Variants in WNT16 observed in about 807,000 individuals in gnomAD.
WNT16 encodes protein Wnt-16.
A neutral mutation model predicts 35.4 loss-of-function variants in WNT16; 20 were observed. That is an observed-to-expected ratio of 0.56 (90% CI 0.40 to 0.82). The LOEUF (loss-of-function observed/expected upper bound fraction) is 0.82. WNT16 is among the 40% of genes least tolerant of loss of function. The pLI, the probability that WNT16 is intolerant of heterozygous loss-of-function variation, is 0.00. For synonymous variants in WNT16, 180 were observed against 179.2 expected (o/e 1.00, Z -0.03); for missense variants, 461 against 466.0 (o/e 0.99, Z 0.10).
upstream of WNT16, among the ~76,000 whole-genome samples, chr7:121,326,789 T>A (rs1024953971): frequency 6.6e-6 from 1 of 152,184 alleles, no homozygotes; most frequent in African/African-American, 2.4e-5. Context: ...ATGTTTTTGA[T>A]TTTTTAAAAA....
chr7:121,327,424 C>T (rs1233434548), upstream of WNT16, among the ~76,000 whole-genome samples: 1 of 144,666 alleles, frequency 6.9e-6, no homozygotes, highest in Non-Finnish European at 1.5e-5. Context: ...TATCTCAACT[C>T]ACTGCAACCT....
At chr7:121,338,629 C>CACT (rs1793476923) in intron 3 of WNT16, among the ~76,000 whole-genome samples, 1 of 152,116 alleles carries the variant, frequency 6.6e-6, no homozygotes, top group African/African-American at 2.4e-5. Flanking sequence ...TAGTCTGGTC[C>CACT]ACTACTTTAA....
Position 121,329,603 on chromosome 7 carries a change from G to T in WNT16, c.132G>T (p.Lys44Asn). Residue 44 changes from lysine (K) to asparagine (N), a missense_variant, in exon 2 of 4, where the codon AAG (lysine) becomes AAT (asparagine). Physicochemically the swap from Lys to Asn is moderately conservative, Grantham distance 94 (BLOSUM62 0). Coordinates refer to ENST00000222462, the MANE Select transcript of WNT16 (RefSeq NM_057168.2). ...TTGCCTCCTTCGGGGTTCCAGAGAA[G>T]CTGGGCTGCGCCAATTTGCCGCTGA... ...LGIASFGVPE[K>N]LGCANLPLNS... 1 of 1,614,240 alleles carries T rather than the reference G, an allele frequency of 6.2e-7. No homozygotes were observed. The highest frequency in any genetic ancestry group is 8.5e-7 in the Non-Finnish European group (1 of 1,180,046).
Position 121,332,151 on chromosome 7 carries a change from A to G in WNT16, c.633+187A>G, listed in dbSNP as rs562616543. Among the ~76,000 whole-genome samples, 12 of 152,364 alleles carry G rather than the reference A, an allele frequency of 7.9e-5. 1 individual carries two copies. The South Asian group carries it at 2.5e-3, about 32-fold the overall frequency. ...AGAAAATTATCCTTTCTAAATATGT[A>G]TGCGTTAAAGCATCCATGGTAAGCA... On this transcript the variant is annotated intron_variant, in intron 3 of 3. Coordinates refer to ENST00000222462, the MANE Select transcript of WNT16 (RefSeq NM_057168.2).
At chr7:121,332,382 G>T (rs1793364536) in intron 3 of WNT16, among the ~76,000 whole-genome samples, 1 of 152,140 alleles carries the variant, frequency 6.6e-6, no homozygotes, top group African/African-American at 2.4e-5. Flanking sequence ...GCATGTGTTT[G>T]TGGTTGTATA....
chr7:121,339,320 T>C lies in WNT16; in HGVS notation c.1073T>C (p.Met358Thr). 1 of 1,613,210 alleles carries C rather than the reference T, an allele frequency of 6.2e-7. No homozygotes were observed. The highest frequency in any genetic ancestry group is 8.5e-7 in the Non-Finnish European group (1 of 1,179,814). Residue 358 changes from methionine (M) to threonine (T), a missense_variant, in exon 4 of 4, where the codon ATG becomes ACG. Coordinates refer to ENST00000222462, the MANE Select transcript of WNT16 (RefSeq NM_057168.2). ...GTCCGTTGCAGGAGGTGTGAAAGCATGACTGATGTCCACACTTGCAAGTAA... is the reference window on the plus strand; with the variant it reads ...GTCCGTTGCAGGAGGTGTGAAAGCACGACTGATGTCCACACTTGCAAGTAA... The part of the protein sequence containing the change: ...CYVRCRRCES[M>T]TDVHTCK
At chr7:121,330,348 G>A (rs538560350) in intron 2 of WNT16, among the ~76,000 whole-genome samples, 70 of 152,366 alleles carry the variant, frequency 4.6e-4, no homozygotes, top group Non-Finnish European at 9.0e-4. Flanking sequence ...CCAACGTGCG[G>A]CTAACCTGAG....
intron 2 of WNT16, 65 bp from the exon 3 acceptor site, chr7:121,331,613 G>A: frequency 6.7e-7 from 1 of 1,483,276 alleles, no homozygotes; most frequent in Non-Finnish European, 9.2e-7. Context: ...TGAGTAGGAG[G>A]CTTTCTTCTG....
At chr7:121,325,599 G>T (rs938200425), upstream of WNT16, 2 of 853,810 alleles carry the variant, frequency 2.3e-6, no homozygotes, top group South Asian at 2.0e-5. Context: ...CCAAAGACAC[G>T]GTAATCTGAG....
intron 3 of WNT16, among the ~76,000 whole-genome samples, chr7:121,333,990 C>T (rs1207567524): frequency 6.6e-6 from 1 of 151,956 alleles, no homozygotes; most frequent in Non-Finnish European, 1.5e-5. Context: ...TAATGTTCCT[C>T]TCTGTAACTG....
intron 3 of WNT16, among the ~76,000 whole-genome samples, chr7:121,333,115 T>G (rs1251534785): frequency 1.3e-5 from 2 of 152,056 alleles, no homozygotes; most frequent in Non-Finnish European, 2.9e-5. Context: ...CTTGTAAATA[T>G]TCAATAACTT....
intron 3 of WNT16, among the ~76,000 whole-genome samples, chr7:121,333,727 GA>G (rs1793390917): frequency 6.6e-6 from 1 of 151,882 alleles, no homozygotes; most frequent in Non-Finnish European, 1.5e-5. Flanking sequence ...TTTAAAACAA[GA>G]AAACAAATAA....
chr7:121,328,914 C>T (rs1042850030), upstream of WNT16: 1 of 531,146 alleles, frequency 1.9e-6, no homozygotes, highest in Non-Finnish European at 2.5e-6. Flanking sequence ...AGATGCGGGG[C>T]CGCTGCTCAG....
chr7:121,333,842 C>T (rs2536188), intron 3 of WNT16, among the ~76,000 whole-genome samples: 38,020 of 151,746 alleles, frequency 0.25, 6,000 homozygotes, highest in African/African-American at 0.46. Context: ...CAAAAACTCA[C>T]GTTATGATTG....
At chr7:121,329,505 T>A in intron 1 of WNT16, 62 bp from the exon 2 acceptor site, 1 of 1,601,318 alleles carries the variant, frequency 6.2e-7, no homozygotes, top group Non-Finnish European at 8.5e-7. Flanking sequence ...AGTGACCTAA[T>A]TTTTCGGAAA....
In WNT16 at chr7:121,339,047, T is replaced by C; in HGVS notation, c.800T>C (p.Met267Thr). 1.2e-6 allele frequency: 2 copies of C among 1,613,832 alleles called. No individual in the cohort carries two copies. Among genetic ancestry groups the C allele is most frequent in the Non-Finnish European group, 1.7e-6 (2 of 1,179,970 alleles). The change falls in exon 4 of 4, where the codon ATG becomes ACG. Residue 267 changes from methionine (M) to threonine (T), a missense_variant. Met to Thr is a moderately conservative substitution (Grantham distance 81). Transcript: ENST00000222462. ...IQISDKTKRKMRRREKDQRKI... is the reference protein window; with the variant it reads ...IQISDKTKRKTRRREKDQRKI... ...ATATCAGACAAAACAAAGAGGAAAA[T>C]GCGCAGGAGAGAAAAAGATCAGAGG... is the stretch of plus-strand genomic sequence containing the variant.
At chr7:121,335,214 C>T (rs573277064) in intron 3 of WNT16, among the ~76,000 whole-genome samples, 25 of 152,166 alleles carry the variant, frequency 1.6e-4, no homozygotes, top group African/African-American at 5.8e-4. Context: ...ATTCGGACAA[C>T]GTAATTTACT....
chr7:121,334,333 T>C (rs1336254086), intron 3 of WNT16, among the ~76,000 whole-genome samples: 1 of 152,116 alleles, frequency 6.6e-6, no homozygotes, highest in East Asian at 1.9e-4. Flanking sequence ...TTGTTGTTTT[T>C]ATTTTCTCTT....
chr7:121,335,986 TTGTGTGTGTGTGTGTGTGTGTG>T (rs36224614), intron 3 of WNT16, among the ~76,000 whole-genome samples: 2 of 140,208 alleles, frequency 1.4e-5, no homozygotes, highest in African/African-American at 2.6e-5. Flanking sequence ...GAATTAAACT[TTGTGTGTGTGTGTGTGTGTGTG>T]TGTGTGTGTG....
Sources: allele counts gnomAD v4.1 joint callset (sites outside exome capture counted in the v4.1 genomes callset), GRCh38; gene constraint gnomAD v4.1.1; transcripts MANE v1.5; gene names NCBI Gene and HGNC (gene_info 2026-07-23, HGNC 2026-07-21).